The following ANKMY2 variants were observed in gnomAD, a reference collection of about 807,000 sequenced individuals.
ANKMY2 encodes ankyrin repeat and MYND domain containing 2, also known as ankyrin repeat and MYND domain-containing protein 2.
Under a neutral mutation model 50.4 loss-of-function variants are expected in ANKMY2, and 36 were observed. The observed-to-expected ratio is 0.71, with a 90% CI of 0.55 to 0.94. The LOEUF is 0.94. ANKMY2 is among the 40% of genes least tolerant of loss of function. The pLI is 0.00. For synonymous variants in ANKMY2, 187 were observed against 178.8 expected (o/e 1.05, Z -0.36); for missense variants, 565 against 524.0 (o/e 1.08, Z -0.76).
intron 6 of ANKMY2, among the ~76,000 whole-genome samples, chr7:16,610,109 G>A (rs1781223545): frequency 6.6e-6 from 1 of 152,104 alleles, no homozygotes; most frequent in East Asian, 1.9e-4. Flanking sequence ...CCTTTTCTAG[G>A]TAAGGATGCA....
At chr7:16,612,103 C>G (rs1003723317) in intron 5 of ANKMY2, among the ~76,000 whole-genome samples, 2 of 152,196 alleles carry the variant, frequency 1.3e-5, no homozygotes, top group Non-Finnish European at 1.5e-5. Flanking sequence ...GTAACAGGGA[C>G]ACAACTGTAT....
At position 16,627,100 on chromosome 7, in the gene ANKMY2, C is replaced by T. The variant is rs36104932; in HGVS notation, c.211G>A (p.Asp71Asn). The T allele has an allele frequency of 9.2e-3, 14,867 of 1,612,310 alleles. 665 individuals are homozygous for T. The East Asian group carries it at 0.14, about 15-fold the overall frequency. The change falls in exon 3 of 10, where the codon GAT becomes AAT. Residue 71 changes from aspartate (D) to asparagine (N), a missense_variant. Coordinates refer to ENST00000306999, the MANE Select transcript of ANKMY2 (RefSeq NM_020319.3). ...TGTTCATGCTGATGACAATTTACAT[C>T]GGCTCCATGTCGCAGTAGTAATTTG... ...MCKLLLRHGA[D>N]VNCHQHEHGY...
At chr7:16,614,464 T>C (rs899712006) in intron 5 of ANKMY2, among the ~76,000 whole-genome samples, 5 of 152,202 alleles carry the variant, frequency 3.3e-5, no homozygotes, top group African/African-American at 1.2e-4. Context: ...TATCTACTAG[T>C]TTGTCATCTC....
chr7:16,624,843 T>C (rs930683068), intron 4 of ANKMY2, 140 bp downstream of exon 4: 11 of 647,466 alleles, frequency 1.7e-5, no homozygotes, highest in South Asian at 4.0e-5. Context: ...AGGTGTTTCA[T>C]TAAGTTACAG....
intron 2 of ANKMY2, among the ~76,000 whole-genome samples, chr7:16,631,276 A>G (rs1781577644): frequency 6.6e-6 from 1 of 152,232 alleles, no homozygotes. Context: ...TGGCTATGAT[A>G]TCTTATAATC....
chr7:16,603,573 C>T, intron 8 of ANKMY2: 1 of 470,466 alleles, frequency 2.1e-6, no homozygotes, highest in Non-Finnish European at 4.4e-6. Context: ...TGTGGTAGGC[C>T]CTTATACATA....
At chr7:16,640,585 G>A (rs770496174) in intron 1 of ANKMY2, among the ~76,000 whole-genome samples, 1 of 152,130 alleles carries the variant, frequency 6.6e-6, no homozygotes, top group African/African-American at 2.4e-5. Flanking sequence ...GCAGTGGCAT[G>A]ATCATGGCTC....
At chr7:16,624,945 T>G in intron 4 of ANKMY2, 38 bp downstream of exon 4, 1 of 1,555,396 alleles carries the variant, frequency 6.4e-7, no homozygotes, top group Non-Finnish European at 8.8e-7. Flanking sequence ...AGGGAAATTT[T>G]GGGTATAATC....
intron 4 of ANKMY2, among the ~76,000 whole-genome samples, chr7:16,619,223 GGC>G (rs1781400133): frequency 6.7e-6 from 1 of 148,400 alleles, no homozygotes; most frequent in Non-Finnish European, 1.5e-5. Context: ...GCGCGATCTT[GGC>G]TCACCGCAAC....
chr7:16,615,304 G>C (rs1562770469), intron 5 of ANKMY2, among the ~76,000 whole-genome samples: 1 of 152,184 alleles, frequency 6.6e-6, no homozygotes, highest in Non-Finnish European at 1.5e-5. Flanking sequence ...CTCAGGGTCA[G>C]CTACTATGGT....
At chr7:16,627,576 G>A (rs1312380854) in intron 2 of ANKMY2, among the ~76,000 whole-genome samples, 1 of 152,174 alleles carries the variant, frequency 6.6e-6, no homozygotes, top group Admixed American at 6.6e-5. Context: ...GTTGAATAAA[G>A]TATGGTATAT....
chr7:16,614,756 G>A (rs1406141802), intron 5 of ANKMY2, among the ~76,000 whole-genome samples: 2 of 152,132 alleles, frequency 1.3e-5, no homozygotes, highest in Non-Finnish European at 2.9e-5. Context: ...TGATAGTAAC[G>A]CCTTATGTTA....
chr7:16,614,530 G>C (rs542393404), intron 5 of ANKMY2, among the ~76,000 whole-genome samples: 1 of 152,310 alleles, frequency 6.6e-6, no homozygotes, highest in South Asian at 2.1e-4. Context: ...AGTAAATTTG[G>C]TTTGTTTCTC....
intron 1 of ANKMY2, 63 bp downstream of exon 1, chr7:16,645,444 C>G (rs1294380042): frequency 1.3e-6 from 2 of 1,519,186 alleles, no homozygotes; most frequent in Admixed American, 2.2e-5. Context: ...GGAGCGCCCC[C>G]CGGGCTCCGC....
In ANKMY2 at chr7:16,604,802, G is replaced by A; in HGVS notation, c.930C>T (p.Gly310=). Residue 310 remains glycine (G), a synonymous_variant, in exon 8 of 10, where the codon GGC becomes GGT. Transcript: ENST00000306999. ...AFSVLTQAIT[G]QVGFVDVEFC... is the part of the protein sequence containing the mutation. Reference sequence around the variant, plus strand: ...ATTCCACATCCACAAAACCCACCTGGCCAGTGATGGCTTGGGTAAGGACGG... The same window carrying A: ...ATTCCACATCCACAAAACCCACCTGACCAGTGATGGCTTGGGTAAGGACGG... 1 of 1,613,972 alleles carries A rather than the reference G, an allele frequency of 6.2e-7. No individual in the cohort carries two copies. Among genetic ancestry groups the A allele is most frequent in the South Asian group, 1.1e-5 (1 of 91,070 alleles).
chr7:16,640,468 T>A (rs1781728853), intron 1 of ANKMY2, among the ~76,000 whole-genome samples: 1 of 152,198 alleles, frequency 6.6e-6, no homozygotes, highest in African/African-American at 2.4e-5. Flanking sequence ...CAGCAATTCA[T>A]CACACAACCA....
At chr7:16,611,645 A>G (rs1351284839) in intron 5 of ANKMY2, among the ~76,000 whole-genome samples, 3 of 152,224 alleles carry the variant, frequency 2.0e-5, no homozygotes, top group Admixed American at 2.0e-4. Flanking sequence ...AGCCAAAGAC[A>G]GTTTAAAGCC....
At chr7:16,636,511 A>T in intron 1 of ANKMY2, 56 bp from the exon 2 acceptor site, 1 of 1,375,370 alleles carries the variant, frequency 7.3e-7, no homozygotes, top group Middle Eastern at 2.0e-4. Flanking sequence ...ATAAGAGAAA[A>T]ATCTAACATC....
intron 1 of ANKMY2, among the ~76,000 whole-genome samples, chr7:16,644,321 T>C (rs1014267702): frequency 5.3e-5 from 8 of 152,174 alleles, no homozygotes; most frequent in Non-Finnish European, 7.3e-5. Context: ...GAACACATCA[T>C]TGATAGATAT....
Sources: gnomAD v4.1 joint callset for allele counts (sites outside exome capture counted in the v4.1 genomes callset) on GRCh38, gnomAD v4.1.1 for gene constraint, MANE v1.5 for transcripts, NCBI Gene and HGNC (gene_info 2026-07-23, HGNC 2026-07-21) for gene names.